The following NRXN3 variants were observed in gnomAD, a reference collection of about 807,000 sequenced individuals.
NRXN3 encodes the protein neurexin 3.
NRXN3 carries 32 observed loss-of-function variants against 137.6 expected under a neutral mutation model. That is an observed-to-expected ratio of 0.23 (90% CI 0.18 to 0.31). The LOEUF (loss-of-function observed/expected upper bound fraction) is 0.31, where lower values mean the gene tolerates loss of function less well. Ranked by LOEUF, NRXN3 falls within the 10% of genes least tolerant of loss-of-function variation. The pLI, the probability that NRXN3 is intolerant of heterozygous loss-of-function variation, is 1.00. For synonymous variants in NRXN3, 798 were observed against 784.5 expected (o/e 1.02, Z -0.29); for missense variants, 1,574 against 2,062.5 (o/e 0.76, Z 4.59).
intron 10 of NRXN3, among the ~76,000 whole-genome samples, chr14:78,931,667 G>GA (rs962072194): frequency 3.1e-4 from 47 of 152,176 alleles, no homozygotes; most frequent in Admixed American, 2.7e-3. Flanking sequence ...GCTTAACTCT[G>GA]AAAAAATCTG....
At chr14:79,125,936 G>A (rs886232689) in intron 15 of NRXN3, among the ~76,000 whole-genome samples, 1 of 151,972 alleles carries the variant, frequency 6.6e-6, no homozygotes, top group Admixed American at 6.6e-5. Flanking sequence ...TTCGTTAAAA[G>A]CATGTTTTCT....
intron 15 of NRXN3, among the ~76,000 whole-genome samples, chr14:79,031,754 G>T (rs952775373): frequency 6.6e-6 from 1 of 152,088 alleles, no homozygotes; most frequent in Non-Finnish European, 1.5e-5. Flanking sequence ...AAACAAGAGG[G>T]AATTGTAAAC....
intron 15 of NRXN3, among the ~76,000 whole-genome samples, chr14:79,003,910 C>T (rs2152348261): frequency 6.6e-6 from 1 of 152,216 alleles, no homozygotes; most frequent in East Asian, 1.9e-4. Flanking sequence ...ACCCGTGAAG[C>T]TGATAGTATT....
chr14:79,674,300 CA>C (rs559463676), intron 17 of NRXN3, among the ~76,000 whole-genome samples: 30 of 151,826 alleles, frequency 2.0e-4, no homozygotes, highest in African/African-American at 7.0e-4. Flanking sequence ...GATTGATAGG[CA>C]AAAAAATCCT....
chr14:79,821,655 C>G (rs1406614362), intron 20 of NRXN3, among the ~76,000 whole-genome samples: 1 of 143,682 alleles, frequency 7.0e-6, no homozygotes, highest in Non-Finnish European at 1.5e-5. Flanking sequence ...CCAAATTCCC[C>G]TAAAGCTAAG....
chr14:78,343,814 T>A (rs1335690384), intron 4 of NRXN3, among the ~76,000 whole-genome samples: 3 of 152,170 alleles, frequency 2.0e-5, no homozygotes, highest in Non-Finnish European at 4.4e-5. Context: ...TCCCAACCAA[T>A]TAATCAGAAT....
At chr14:78,235,010 A>ATATATATATGTG in intron 1 of NRXN3, among the ~76,000 whole-genome samples, 2 of 102,414 alleles carry the variant, frequency 2.0e-5, no homozygotes, top group Admixed American at 1.1e-4. Flanking sequence ...ATATATATAT[A>ATATATATATGTG]TATATATATA....
chr14:78,886,040 C>T (rs1391162100), intron 10 of NRXN3, among the ~76,000 whole-genome samples: 1 of 152,066 alleles, frequency 6.6e-6, no homozygotes, highest in Non-Finnish European at 1.5e-5. Flanking sequence ...CTGGAAATGA[C>T]AAGCATCACT....
At chr14:78,546,147 G>A (rs2096634481) in intron 4 of NRXN3, among the ~76,000 whole-genome samples, 1 of 152,178 alleles carries the variant, frequency 6.6e-6, no homozygotes, top group Non-Finnish European at 1.5e-5. Flanking sequence ...CTGTCATATG[G>A]CTTTTCAAAA....
chr14:79,796,524 G>A (rs1050997523), intron 19 of NRXN3, among the ~76,000 whole-genome samples: 1 of 151,686 alleles, frequency 6.6e-6, no homozygotes, highest in African/African-American at 2.4e-5. Context: ...CTTAAAAGTG[G>A]GGGGAAAAAA....
intron 10 of NRXN3, 49 bp downstream of exon 10, chr14:78,810,393 A>T (rs979087226): frequency 1.4e-5 from 15 of 1,104,998 alleles, no homozygotes; most frequent in Non-Finnish European, 1.9e-5. Flanking sequence ...AAAAAAACAA[A>T]ACTGACTTTA....
At chr14:79,846,679 G>A (rs1298905467) in intron 20 of NRXN3, among the ~76,000 whole-genome samples, 2 of 152,056 alleles carry the variant, frequency 1.3e-5, no homozygotes, top group African/African-American at 2.4e-5. Flanking sequence ...TATTCTTTGT[G>A]ACCCTACTGT....
At chr14:79,284,356 A>ATATATG (rs2081864085) in intron 15 of NRXN3, among the ~76,000 whole-genome samples, 1 of 110,832 alleles carries the variant, frequency 9.0e-6, no homozygotes, top group Non-Finnish European at 1.8e-5. Context: ...ATATATATAT[A>ATATATG]TATATATATA....
chr14:78,251,555 A>G (rs2153462367), intron 2 of NRXN3, among the ~76,000 whole-genome samples: 1 of 152,164 alleles, frequency 6.6e-6, no homozygotes, highest in African/African-American at 2.4e-5. Context: ...TGTATGTGTG[A>G]TTTCATTTTT....
At chr14:79,734,694 T>A (rs937328507) in intron 19 of NRXN3, among the ~76,000 whole-genome samples, 5 of 152,114 alleles carry the variant, frequency 3.3e-5, no homozygotes, top group African/African-American at 1.2e-4. Context: ...AAATTTAGAT[T>A]CTCACACTCA....
chr14:79,703,630 C>A (rs1221601796), intron 19 of NRXN3, among the ~76,000 whole-genome samples: 1 of 152,026 alleles, frequency 6.6e-6, no homozygotes, highest in East Asian at 1.9e-4. Flanking sequence ...AGTGGGGAAA[C>A]TGCCCCCCTG....
intron 15 of NRXN3, among the ~76,000 whole-genome samples, chr14:79,411,448 T>A (rs2095416050): frequency 6.6e-6 from 1 of 152,170 alleles, no homozygotes; most frequent in Admixed American, 6.5e-5. Context: ...CTCTTACATC[T>A]TGTCACATTG....
chr14:78,352,951 C>T (rs568480304), intron 4 of NRXN3, among the ~76,000 whole-genome samples: 86 of 152,306 alleles, frequency 5.6e-4, no homozygotes, highest in Admixed American at 3.1e-3. Context: ...CCAAGAGCTT[C>T]AGCCATTGAA....
chr14:78,597,000 T>C (rs1362192496), intron 4 of NRXN3, among the ~76,000 whole-genome samples: 1 of 152,224 alleles, frequency 6.6e-6, no homozygotes, highest in Non-Finnish European at 1.5e-5. Context: ...CAAAGAGGGC[T>C]GGGAGAGTCC....
Sources: gnomAD v4.1 joint callset for allele counts (sites outside exome capture counted in the v4.1 genomes callset) on GRCh38, gnomAD v4.1.1 for gene constraint, MANE v1.5 for transcripts, NCBI Gene and HGNC (gene_info 2026-07-23, HGNC 2026-07-21) for gene names.